Variants in UCKL1 observed in about 807,000 individuals in gnomAD.
UCKL1 encodes uridine-cytidine kinase 1 like 1.
Under a neutral mutation model 59.2 loss-of-function variants are expected in UCKL1, and 65 were observed. The observed-to-expected ratio is 1.10, with a 90% CI of 0.90 to 1.35. The LOEUF (loss-of-function observed/expected upper bound fraction) is 1.35. Among genes scored for constraint, UCKL1 ranks in the 40% most tolerant of loss-of-function variants. The pLI, the probability that UCKL1 is intolerant of heterozygous loss-of-function variation, is 0.00. For missense variants in UCKL1, 703 were observed against 784.3 expected (o/e 0.90, Z 1.24); for synonymous variants, 410 against 323.1 (o/e 1.27, Z -2.88).
intron 1 of UCKL1, among the ~76,000 whole-genome samples, chr20:63,949,005 G>A (rs1180082766): frequency 6.6e-6 from 1 of 152,098 alleles, no homozygotes; most frequent in Non-Finnish European, 1.5e-5. Context: ...CCCGACACGT[G>A]ACAGCTCTCC....
At chr20:63,944,502 G>C in intron 6 of UCKL1, 43 bp downstream of exon 6, 3 of 1,587,964 alleles carry the variant, frequency 1.9e-6, no homozygotes, top group Non-Finnish European at 2.6e-6. Flanking sequence ...CTGGGCCGTT[G>C]GCCTGCCCGA....
In UCKL1 at chr20:63,945,613, A is replaced by G. The variant is rs370193219; in HGVS notation, c.654+38T>C. ...CTCATGGACAGGGCGGCCAGGGCTGAGATACCAGCGGGGTGGGTATTCCCG... is the reference window on the plus strand; with the variant it reads ...CTCATGGACAGGGCGGCCAGGGCTGGGATACCAGCGGGGTGGGTATTCCCG... On this transcript the variant is annotated intron_variant, in intron 5 of 14. Transcript: ENST00000354216. The G allele has an allele frequency of 1.8e-4, 283 of 1,607,726 alleles. No individual in the cohort carries two copies. In the African/African-American group the frequency reaches 3.6e-3, roughly 20 times the overall value.
In UCKL1 at chr20:63,945,777, A is replaced by G. The variant is rs372780465; in HGVS notation, c.582+28T>C. 7.4e-6 allele frequency: 12 copies of G among 1,612,762 alleles called. No homozygotes were observed. In the Admixed American group the frequency reaches 1.8e-4, roughly 25 times the overall value. On this transcript the variant is annotated intron_variant, in intron 4 of 14. Transcript: ENST00000354216. ...TGGCTCATGTGCCTGCAGCCCCCCG[A>G]GGCCCCCTCTGCAGGGCCCTGGCCT... is the stretch of plus-strand genomic sequence containing the variant.
In UCKL1 at chr20:63,940,197, G is replaced by C. The variant is rs916715107; in HGVS notation, c.1520C>G (p.Ala507Gly). ...AAGGTCATTGACCCGCTTGTCCACC[G>C]CCGTGGTGATGATTCTCACTCGCGG... ...AFPRVRIITTAVDKRVNDLFR... is the reference protein window; with the variant it reads ...AFPRVRIITTGVDKRVNDLFR... Residue 507 changes from alanine to glycine, a missense_variant, in exon 14 of 15, where the codon GCG becomes GGG. Transcript: ENST00000354216. 1.7e-5 allele frequency: 27 copies of C among 1,612,602 alleles called. No individual in the cohort carries two copies. Among genetic ancestry groups the C allele is most frequent in the Non-Finnish European group, 2.2e-5 (26 of 1,179,982 alleles).
chr20:63,942,630 G>A (rs1233610534), intron 8 of UCKL1: 4 of 567,934 alleles, frequency 7.0e-6, no homozygotes, highest in East Asian at 1.3e-4. Flanking sequence ...GAGTGTGGGC[G>A]GTCAGGCCCC....
At position 63,940,433 on chromosome 20, in the gene UCKL1, A is replaced by G. The variant is rs756635100; in HGVS notation, c.1355T>C (p.Met452Thr). 2 of 1,612,410 alleles carry G rather than the reference A, an allele frequency of 1.2e-6. No homozygotes were observed. The highest frequency in any genetic ancestry group is 1.1e-5 in the South Asian group (1 of 91,072). Reference sequence around the variant, plus strand: ...CGCGCCCGTGGACACGGTGCAGTCCATGAGGATCACGTGGTCATCGCTGAT... The same window carrying G: ...CGCGCCCGTGGACACGGTGCAGTCCGTGAGGATCACGTGGTCATCGCTGAT... ...KDISDDHVIL[M>T]DCTVSTGAAA... Residue 452 changes from methionine to threonine, a missense_variant, in exon 13 of 15, where the codon ATG (methionine) becomes ACG (threonine). By Grantham distance (81) the Met-to-Thr change is moderately conservative. Around this residue, in one of 4 missense-constraint regions of UCKL1, gnomAD observed 124 missense variants for 161.1 expected, o/e 0.77. Transcript: ENST00000354216.
chr20:63,945,566 G>A lies in UCKL1; in HGVS notation c.654+85C>T, dbSNP rs879217109. The A allele has an allele frequency of 2.0e-5, 29 of 1,418,870 alleles. 1 individual carries two copies. The South Asian group carries it at 3.2e-4, about 16-fold the overall frequency. 87.9% of individuals were successfully genotyped at this position (1,418,870 alleles called of 1,614,324 possible). On this transcript the variant is annotated intron_variant, in intron 5 of 14. Transcript: ENST00000354216. The stretch of plus-strand genomic sequence containing the variant: ...GCCTATACAGTGTGGAGGCCTTGGG[G>A]ACAGGGCAGGAGGACGCACACCTCA...
chr20:63,941,143 G>A lies in UCKL1; in HGVS notation c.989C>T (p.Thr330Met), dbSNP rs1359405979. 2 of 1,593,364 alleles carry A rather than the reference G, an allele frequency of 1.3e-6. No homozygotes were observed. Among genetic ancestry groups the A allele is most frequent in the Admixed American group, 3.4e-5 (2 of 58,208 alleles). The change falls in exon 9 of 15, where the codon ACG (threonine) becomes ATG (methionine). Residue 330 changes from threonine (T) to methionine (M), a missense_variant. By Grantham distance (81) the Thr-to-Met change is moderately conservative (BLOSUM62 -1). Around this residue, in one of 4 missense-constraint regions of UCKL1, gnomAD observed 156 missense variants for 185.6 expected, o/e 0.84. Transcript: ENST00000354216. ...GGTGTGCATGCCCCGTACCTGCGGC[G>A]TGCTCTTCAGGACGCTCAGCGTCCG... is the stretch of plus-strand genomic sequence containing the variant. ...LPRTLSVLKS[T>M]PQVRGMHTII...
chr20:63,946,268 C>CT lies in UCKL1; in HGVS notation c.305-2dup. Reference sequence around the variant, plus strand: ...CCAGAGGCACTGCCGCCTCCCAAGCCTGCCGGCGGGAGTGGAGACCCTCTG... The same window carrying CT: ...CCAGAGGCACTGCCGCCTCCCAAGCCTTGCCGGCGGGAGTGGAGACCCTCTG... On this transcript the variant is annotated splice_acceptor_variant, in intron 2 of 14. Coordinates refer to ENST00000354216, the MANE Select transcript of UCKL1 (RefSeq NM_017859.4). LOFTEE classifies it high-confidence loss of function. 1 of 1,585,812 alleles carries CT rather than the reference C, an allele frequency of 6.3e-7. No homozygotes were observed. The highest frequency in any genetic ancestry group is 8.6e-7 in the Non-Finnish European group (1 of 1,167,004).
rs777229896 is a variant in UCKL1 at position 63,946,658 on chromosome 20, G to A, written c.114-15C>T. Reference sequence around the variant, plus strand: ...CTGCATTGCTGCTGCAGAGAGGGATGTACTCGGATGTGGCCCAGAGCTGCC... The same window carrying A: ...CTGCATTGCTGCTGCAGAGAGGGATATACTCGGATGTGGCCCAGAGCTGCC... On this transcript the variant is annotated splice_polypyrimidine_tract_variant and intron_variant, in intron 1 of 14. Coordinates refer to ENST00000354216, the MANE Select transcript of UCKL1 (RefSeq NM_017859.4). 4 of 1,602,504 alleles carry A rather than the reference G, an allele frequency of 2.5e-6. No homozygotes were observed. Among genetic ancestry groups the A allele is most frequent in the South Asian group, 1.1e-5 (1 of 90,750 alleles).
chr20:63,956,367 A>C lies in UCKL1; in HGVS notation c.6T>G (p.Ala2=). The C allele has an allele frequency of 6.6e-7, 1 of 1,515,988 alleles. No individual in the cohort carries two copies. Among genetic ancestry groups the C allele is most frequent in the South Asian group, 1.2e-5 (1 of 80,470 alleles). The allele number at this position is 1,515,988 out of a possible 1,614,324, so 93.9% of individuals were successfully genotyped here. The change falls in exon 1 of 15, where the codon GCT becomes GCG. Residue 2 remains alanine, a synonymous_variant. Coordinates refer to ENST00000354216, the MANE Select transcript of UCKL1 (RefSeq NM_017859.4). ...CAGCGTCCGCGCGGGCCGGGGGCGC[A>C]GCCATGGCGCTCGGAGGCCTCTTTG... M[A]APPARADADP...
rs369474598 is a variant in UCKL1, at chr20:63,947,661, C to T, written c.114-1018G>A. ...GAGCCTTATTGGAACCCCATTCATT[C>T]TTGCTGTGGCCCCTCCTGGGTCCCC... On this transcript the variant is annotated intron_variant, in intron 1 of 14. Transcript: ENST00000354216. Among the ~76,000 whole-genome samples, 173 of 152,380 alleles carry T rather than the reference C, an allele frequency of 1.1e-3. 5 individuals carry two copies. In the South Asian group the frequency reaches 0.034, roughly 30 times the overall value.
At position 63,940,261 on chromosome 20, in the gene UCKL1, T is replaced by G. The variant is rs1837742669; in HGVS notation, c.1456A>C (p.Met486Leu). Residue 486 changes from methionine to leucine, a missense_variant, in exon 14 of 15, where the codon ATG becomes CTG. Coordinates refer to ENST00000354216, the MANE Select transcript of UCKL1 (RefSeq NM_017859.4). ...ACTGAGTGCACGCCCATCTCTGCCA[T>G]GAGCAGCGACAGCAAAAAGATCTTG... ...EDKIFLLSLLMAEMGVHSVAY... is the reference protein window; with the variant it reads ...EDKIFLLSLLLAEMGVHSVAY... 1 of 1,612,664 alleles carries G rather than the reference T, an allele frequency of 6.2e-7. No individual in the cohort carries two copies. Among genetic ancestry groups the G allele is most frequent in the South Asian group, 1.1e-5 (1 of 91,092 alleles).
chr20:63,944,409 G>A lies in UCKL1; in HGVS notation c.894C>T (p.Ser298=). ...AIDLIVQHVH[S]QLEERELSVR... ...GGACCCCGCTCACCTCCTCCAGCTG[G>A]CTGTGCACGTGCTGCACAATCAGGT... is the stretch of plus-strand genomic sequence containing the variant. The change falls in exon 7 of 15, where the codon AGC becomes AGT. Residue 298 remains serine, a synonymous_variant. Transcript: ENST00000354216. 6.4e-7 allele frequency: 1 copy of A among 1,568,020 alleles called. No individual in the cohort carries two copies. The highest frequency in any genetic ancestry group is 2.4e-5 in the East Asian group (1 of 42,418).
At chr20:63,944,802 C>T (rs1283439799) in intron 5 of UCKL1, 68 bp from the exon 6 acceptor site, 5 of 1,574,012 alleles carry the variant, frequency 3.2e-6, no homozygotes, top group East Asian at 2.2e-5. Flanking sequence ...TGGGACCAGC[C>T]CCTGCACTGA....
At position 63,940,229 on chromosome 20, in the gene UCKL1, A is replaced by G. The variant is rs753672840; in HGVS notation, c.1488T>C (p.Tyr496=). ...TGATGATTCTCACTCGCGGAAATGC[A>G]TAGGCCACTGAGTGCACGCCCATCT... ...MAEMGVHSVA[Y]AFPRVRIITT... Residue 496 remains tyrosine, a synonymous_variant, in exon 14 of 15, where the codon TAT becomes TAC. Coordinates refer to ENST00000354216, the MANE Select transcript of UCKL1 (RefSeq NM_017859.4). 1 of 1,612,844 alleles carries G rather than the reference A, an allele frequency of 6.2e-7. No individual in the cohort carries two copies. Among genetic ancestry groups the G allele is most frequent in the African/African-American group, 1.3e-5 (1 of 75,074 alleles).
At chr20:63,950,972 T>C in intron 1 of UCKL1, 1 of 1,302,598 alleles carries the variant, frequency 7.7e-7, no homozygotes, top group Non-Finnish European at 9.8e-7. Context: ...TCCGGCCACC[T>C]GAACTGGCCC....
intron 1 of UCKL1, among the ~76,000 whole-genome samples, chr20:63,952,674 C>T (rs969312107): frequency 1.3e-5 from 2 of 152,260 alleles, no homozygotes; most frequent in East Asian, 1.9e-4. Context: ...GCACCTTCTG[C>T]CTAAGGCTTC....
chr20:63,956,291 C>A lies in UCKL1; in HGVS notation c.82G>T (p.Ala28Ser). The change falls in exon 1 of 15, where the codon GCT becomes TCT. Residue 28 changes from alanine (A) to serine (S), a missense_variant. This residue lies in a region of UCKL1 where 398 missense variants were observed against 373.0 expected (regional missense o/e 1.07). Coordinates refer to ENST00000354216, the MANE Select transcript of UCKL1 (RefSeq NM_017859.4). ...PTARDTPGRQ[A>S]EKSETACEDR... Reference sequence around the variant, plus strand: ...TCGCACGCGGTCTCGCTTTTCTCAGCCTGCCGGCCTGGTGTGTCTCGGGCC... The same window carrying A: ...TCGCACGCGGTCTCGCTTTTCTCAGACTGCCGGCCTGGTGTGTCTCGGGCC... 9 of 1,561,394 alleles carry A rather than the reference C, an allele frequency of 5.8e-6. No individual in the cohort carries two copies. The highest frequency in any genetic ancestry group is 7.8e-6 in the Non-Finnish European group (9 of 1,158,264).
Sources: gnomAD v4.1 joint callset for allele counts (sites outside exome capture counted in the v4.1 genomes callset) on GRCh38, gnomAD v4.1.1 for gene constraint, gnomAD v4.1.1 regional missense constraint, MANE v1.5 for transcripts, NCBI Gene and HGNC (gene_info 2026-07-23, HGNC 2026-07-21) for gene names.